Variants in RBL2 observed in about 807,000 individuals in gnomAD.
RBL2 encodes the protein RB transcriptional corepressor like 2.
RBL2 carries 56 observed loss-of-function variants against 126.0 expected under a neutral mutation model. The ratio of observed to expected loss-of-function variants is 0.44; its 90% CI spans 0.36 to 0.56. RBL2 has a LOEUF of 0.56. RBL2 is among the 20% of genes least tolerant of loss of function. The probability of loss-of-function intolerance (pLI) is 0.00; values close to 1 mark genes in which losing one functional copy is unlikely to be tolerated. For synonymous variants in RBL2, 454 were observed against 478.5 expected, an observed-to-expected ratio of 0.95 and a Z score of 0.67; for missense variants, 1,229 against 1,398.2, an observed-to-expected ratio of 0.88 and a Z score of 1.93.
chr16:53,456,585 C>CTGTAATGT (rs2058169595), intron 8 of RBL2, among the ~76,000 whole-genome samples: 1 of 152,194 alleles, frequency 6.6e-6, no homozygotes. Flanking sequence ...TGACAAGTGC[C>CTGTAATGT]TGTAATGTTG....
At chr16:53,482,535 C>T (rs544227929) in intron 21 of RBL2, among the ~76,000 whole-genome samples, 114 of 152,208 alleles carry the variant, frequency 7.5e-4, no homozygotes, top group African/African-American at 2.6e-3. Context: ...AGAGGCTGGG[C>T]GTTGTGGCTC....
At position 53,459,135 on chromosome 16, in the gene RBL2, A is replaced by G. The variant is rs187012541; in HGVS notation, c.1180-316A>G. 2.8e-3 allele frequency among the ~76,000 whole-genome samples: 427 copies of G among 152,338 alleles called. 3 individuals are homozygous for G. Among genetic ancestry groups the G allele is most frequent in the African/African-American group, 9.6e-3 (401 of 41,586 alleles). On this transcript the variant is annotated intron_variant, in intron 8 of 21. Coordinates refer to ENST00000262133, the MANE Select transcript of RBL2 (RefSeq NM_005611.4). Reference sequence around the variant, plus strand: ...ATGCTTATCTTTGCCTCCGAGCATAAGTTTTACAAGAGGGAATGTAGGGAG... The same window carrying G: ...ATGCTTATCTTTGCCTCCGAGCATAGGTTTTACAAGAGGGAATGTAGGGAG...
At chr16:53,445,769 T>C (rs2058056836) in intron 3 of RBL2, 1 of 152,220 alleles carries the variant, frequency 6.6e-6, no homozygotes, top group South Asian at 2.1e-4. Flanking sequence ...AACCCCACAG[T>C]CTCTGTCTTC....
Position 53,440,953 on chromosome 16 carries a change from CT to C in RBL2, c.372-1681del, listed in dbSNP as rs1178378934. 3.9e-3 allele frequency among the ~76,000 whole-genome samples: 281 copies of C among 71,652 alleles called. 1 individual carries two copies. Among genetic ancestry groups the C allele is most frequent in the African/African-American group, 0.015 (248 of 16,976 alleles). 47.0% of individuals were successfully genotyped at this position (71,652 alleles called of 152,430 possible). ...ACTCTATTTTTTTTATTTTTCAGTT[CT>C]TTTTTTTTTTTTTTTTTTTTTTTGA... On this transcript the variant is annotated intron_variant, in intron 2 of 21. Transcript: ENST00000262133.
At chr16:53,441,715 TAGGA>T (rs1322394101) in intron 2 of RBL2, among the ~76,000 whole-genome samples, 1 of 152,048 alleles carries the variant, frequency 6.6e-6, no homozygotes, top group Non-Finnish European at 1.5e-5. Context: ...TGTGAAAACA[TAGGA>T]AGGATTAAGA....
Position 53,480,111 on chromosome 16 carries a change from A to G in RBL2, c.2881+120A>G, listed in dbSNP as rs542145551. The G allele has an allele frequency of 1.4e-4, 96 of 691,766 alleles. No homozygotes were observed. In the South Asian group the frequency reaches 1.9e-3, roughly 14 times the overall value. The allele number at this position is 691,766 out of a possible 1,614,324, so 42.9% of individuals were successfully genotyped here. On this transcript the variant is annotated intron_variant, in intron 19 of 21. Transcript: ENST00000262133. ...ACTATAGAAACTATGAAAGTGTTTT[A>G]TAGATCAGTAAACCATATTCTAGCT...
intron 21 of RBL2, chr16:53,488,837 T>C (rs8055279): frequency 0.48 from 72,766 of 151,894 alleles, 18,172 homozygotes; most frequent in Middle Eastern, 0.62. Context: ...AATGGGAGAC[T>C]GCAGAGATAG....
chr16:53,464,002 A>C (rs1199372129), intron 11 of RBL2, among the ~76,000 whole-genome samples: 1 of 152,188 alleles, frequency 6.6e-6, no homozygotes, highest in Non-Finnish European at 1.5e-5. Context: ...ATTTTATAAT[A>C]GGTAAGGTTT....
intron 1 of RBL2, chr16:53,435,894 A>G: frequency 2.7e-6 from 2 of 747,900 alleles, no homozygotes; most frequent in Non-Finnish European, 3.7e-6. Context: ...TGGCTTTAGA[A>G]CCCGACAGAC....
intron 21 of RBL2, among the ~76,000 whole-genome samples, chr16:53,482,043 A>C (rs1018842700): frequency 6.6e-6 from 1 of 152,102 alleles, no homozygotes; most frequent in East Asian, 1.9e-4. Context: ...GGTGGGAAAC[A>C]GGGTAAGGGA....
intron 20 of RBL2, chr16:53,481,063 G>A (rs1302285780): frequency 4.4e-6 from 1 of 229,482 alleles, no homozygotes; most frequent in Non-Finnish European, 8.6e-6. Context: ...GGGGGCTGAG[G>A]CAGGAGAATT....
At chr16:53,447,009 T>C in intron 3 of RBL2, 33 bp from the exon 4 acceptor site, 2 of 1,375,632 alleles carry the variant, frequency 1.5e-6, no homozygotes, top group African/African-American at 3.0e-5. Flanking sequence ...ATTCTTCTGT[T>C]GTCTCATGAC....
intron 8 of RBL2, among the ~76,000 whole-genome samples, chr16:53,457,901 G>A (rs2058184600): frequency 6.6e-6 from 1 of 152,146 alleles, no homozygotes; most frequent in Non-Finnish European, 1.5e-5. Flanking sequence ...GTTATATGCT[G>A]CTGGCTGCTG....
chr16:53,445,326 CAA>C (rs11360172), intron 3 of RBL2, among the ~76,000 whole-genome samples: 1,170 of 114,464 alleles, frequency 0.01, 9 homozygotes, highest in African/African-American at 0.029. Context: ...GACCTTGTCT[CAA>C]AAAAAAAAAA....
chr16:53,481,698 C>G lies in RBL2; in HGVS notation c.3112C>G (p.Pro1038Ala). The change falls in exon 21 of 22, where the codon CCA (proline) becomes GCA (alanine). Residue 1038 changes from proline (P) to alanine (A), a missense_variant. Around this residue, in one of 2 missense-constraint regions of RBL2, gnomAD observed 1,070 missense variants for 1,274.3 expected, o/e 0.84. Transcript: ENST00000262133. ...GGATGCTCCTCCACTCTCTCCCTATCCATTTGTAAGAACAGGCTCCCCTCG... is the reference window on the plus strand; with the variant it reads ...GGATGCTCCTCCACTCTCTCCCTATGCATTTGTAAGAACAGGCTCCCCTCG... ...NMDAPPLSPY[P>A]FVRTGSPRRI... is the part of the protein sequence containing the mutation. 6.2e-7 allele frequency: 1 copy of G among 1,612,318 alleles called. No individual in the cohort carries two copies. Among genetic ancestry groups the G allele is most frequent in the Non-Finnish European group, 8.5e-7 (1 of 1,178,802 alleles).
Position 53,470,363 on chromosome 16 carries a change from C to CT in RBL2, c.2246-13dup, listed in dbSNP as rs748225643. ...TCTTATTATCAACATTTTCTTCATGCTTTTTTTCTCTGTCACTAGGTATTG... is the reference window on the plus strand; with the variant it reads ...TCTTATTATCAACATTTTCTTCATGCTTTTTTTTCTCTGTCACTAGGTATTG... On this transcript the variant is annotated intron_variant, in intron 15 of 21. Transcript: ENST00000262133. The CT allele has an allele frequency of 5.0e-6, 8 of 1,603,920 alleles. No individual in the cohort carries two copies. The South Asian group carries it at 5.5e-5, about 11-fold the overall frequency.
At chr16:53,469,199 C>T (rs755048820) in intron 14 of RBL2, among the ~76,000 whole-genome samples, 31 of 152,158 alleles carry the variant, frequency 2.0e-4, no homozygotes, top group African/African-American at 6.3e-4. Context: ...TACTGCACTC[C>T]AGCCTGGGTG....
rs2058264584 is a variant in RBL2, at chr16:53,465,560, A to G, written c.1821A>G (p.Glu607=). The G allele has an allele frequency of 6.3e-7, 1 of 1,599,530 alleles. No homozygotes were observed. Among genetic ancestry groups the G allele is most frequent in the South Asian group, 1.1e-5 (1 of 87,568 alleles). ...LAWKPESPLW[E]KIRDNENRVP... ...GGAAACCAGAGTCTCCACTCTGGGAAAAAATTAGAGACAATGAAAACAGAG... is the reference window on the plus strand; with the variant it reads ...GGAAACCAGAGTCTCCACTCTGGGAGAAAATTAGAGACAATGAAAACAGAG... Residue 607 remains glutamate, a synonymous_variant, in exon 13 of 22, where the codon GAA becomes GAG. Coordinates refer to ENST00000262133, the MANE Select transcript of RBL2 (RefSeq NM_005611.4).
rs745508004 is a variant in RBL2 at position 53,434,744 on chromosome 16, G to A, written c.188G>A (p.Arg63Gln). 8.4e-6 allele frequency: 13 copies of A among 1,545,062 alleles called. No homozygotes were observed. The highest frequency in any genetic ancestry group is 1.0e-5 in the Non-Finnish European group (12 of 1,153,462). ...CGCCTCAACATGGACGAGGCGGCGC[G>A]GGCCGAGGCCTGGGACAGCTACCGC... ...CSRLNMDEAA[R>Q]AEAWDSYRSM... Residue 63 changes from arginine (R) to glutamine (Q), a missense_variant, in exon 1 of 22, where the codon CGG becomes CAG. Around this residue, in one of 2 missense-constraint regions of RBL2, gnomAD observed 159 missense variants for 123.9 expected, o/e 1.28. Transcript: ENST00000262133.
Sources: allele counts gnomAD v4.1 joint callset (sites outside exome capture counted in the v4.1 genomes callset), GRCh38; gene constraint gnomAD v4.1.1; regional missense constraint gnomAD v4.1.1; transcripts MANE v1.5; gene names NCBI Gene and HGNC (gene_info 2026-07-23, HGNC 2026-07-21).